The following HSD17B12 variants were observed in gnomAD, a reference collection of about 807,000 sequenced individuals.
The protein encoded by HSD17B12 is very-long-chain 3-oxoacyl-CoA reductase.
Under a neutral mutation model 39.3 loss-of-function variants are expected in HSD17B12, and 32 were observed. The ratio of observed to expected loss-of-function variants is 0.81; its 90% CI spans 0.61 to 1.09. The LOEUF (loss-of-function observed/expected upper bound fraction) is 1.09. HSD17B12 is among the 50% of genes least tolerant of loss of function. The pLI, the probability that HSD17B12 is intolerant of heterozygous loss-of-function variation, is 0.00. For synonymous variants in HSD17B12, 150 were observed against 146.7 expected (o/e 1.02, Z -0.16); for missense variants, 342 against 382.9 (o/e 0.89, Z 0.89).
intron 6 of HSD17B12, among the ~76,000 whole-genome samples, chr11:43,826,025 ATAGTATGT>A (rs1951232709): frequency 6.6e-6 from 1 of 151,966 alleles, no homozygotes. Context: ...TTAGCATACT[ATAGTATGT>A]GAAACTTATA....
rs1951500195 is a variant in HSD17B12, at chr11:43,848,464, A to G, written c.685-6251A>G. ...ATTCTCCATGGAAAATGGCATTCTTATGCGTCTTATTGGATATAAAAAGTC... is the reference window on the plus strand; with the variant it reads ...ATTCTCCATGGAAAATGGCATTCTTGTGCGTCTTATTGGATATAAAAAGTC... On this transcript the variant is annotated intron_variant, in intron 9 of 10. Transcript: ENST00000278353. 3 of 152,214 alleles carry G rather than the reference A, an allele frequency of 2.0e-5. No homozygotes were observed. The South Asian group carries it at 6.2e-4, about 31-fold the overall frequency. The allele number at this position is 152,214 out of a possible 1,614,324, so 9.4% of individuals were successfully genotyped here.
At chr11:43,799,200 A>G (rs2135046702) in intron 4 of HSD17B12, among the ~76,000 whole-genome samples, 2 of 152,208 alleles carry the variant, frequency 1.3e-5, no homozygotes, top group Middle Eastern at 6.8e-3. Flanking sequence ...TACACTGTAT[A>G]GATCCGATTA....
At chr11:43,738,635 C>T (rs1043687470) in intron 1 of HSD17B12, among the ~76,000 whole-genome samples, 7 of 152,148 alleles carry the variant, frequency 4.6e-5, no homozygotes, top group Non-Finnish European at 1.0e-4. Context: ...GGTTAGTTTT[C>T]CTTTTATAAT....
At chr11:43,616,715 C>T in the HSD17B12 span, among the ~76,000 whole-genome samples, 40 of 150,100 alleles carry the variant, frequency 2.7e-4, no homozygotes, top group Non-Finnish European at 5.2e-4. Context: ...TCCAAAAAAT[C>T]CCCACTTTTA....
In HSD17B12 at chr11:43,812,635, A is replaced by G. The variant is rs529242956; in HGVS notation, c.392-2802A>G. 3.3e-5 allele frequency among the ~76,000 whole-genome samples: 5 copies of G among 152,234 alleles called. No individual in the cohort carries two copies. In the East Asian group the frequency reaches 9.7e-4, roughly 29 times the overall value. ...TAGATATTAGTCTCTTGTCAGATGG[A>G]TAGTTTGCAAATATATTCTTCCATT... is the stretch of plus-strand genomic sequence containing the variant. On this transcript the variant is annotated intron_variant, in intron 4 of 10. Transcript: ENST00000278353.
intron 1 of HSD17B12, among the ~76,000 whole-genome samples, chr11:43,709,946 A>G (rs1044119148): frequency 3.9e-5 from 6 of 152,050 alleles, no homozygotes; most frequent in Admixed American, 3.9e-4. Context: ...TATGTGTGCA[A>G]CTCTGGGCTG....
intron 7 of HSD17B12, among the ~76,000 whole-genome samples, chr11:43,835,239 G>A (rs1400429556): frequency 6.6e-6 from 1 of 152,058 alleles, no homozygotes; most frequent in African/African-American, 2.4e-5. Flanking sequence ...ATATAACAGA[G>A]TTGTCATGAG....
At chr11:43,667,541 G>A in the HSD17B12 span, among the ~76,000 whole-genome samples, 1 of 152,078 alleles carries the variant, frequency 6.6e-6, no homozygotes, top group Admixed American at 6.6e-5. Context: ...AATGAATACG[G>A]ATCGGGTATC....
chr11:43,670,984 T>A, the HSD17B12 span, among the ~76,000 whole-genome samples: 2 of 151,938 alleles, frequency 1.3e-5, no homozygotes, highest in Non-Finnish European at 2.9e-5. Flanking sequence ...AAAAAAAGTG[T>A]GGGTAAAGAT....
At chr11:43,585,116 T>C in the HSD17B12 span, among the ~76,000 whole-genome samples, 1 of 152,230 alleles carries the variant, frequency 6.6e-6, no homozygotes, top group Non-Finnish European at 1.5e-5. Flanking sequence ...CACCAAACGT[T>C]GTTATGTCTC....
chr11:43,741,756 C>T (rs1273167140), intron 1 of HSD17B12, among the ~76,000 whole-genome samples: 6 of 124,706 alleles, frequency 4.8e-5, no homozygotes, highest in Admixed American at 9.0e-5. Context: ...TTTTTTGAGA[C>T]GGGGTCTCGC....
chr11:43,838,392 A>G lies in HSD17B12; in HGVS notation c.612A>G (p.Ala204=). ...TCCCACTCTTGACCATCTATTCTGC[A>G]ACCAAGGTAAAAAATATTTTCTTAA... ...LPVPLLTIYS[A]TKTFVDFFSQ... The change falls in exon 8 of 11, where the codon GCA becomes GCG. Residue 204 remains alanine (A), a synonymous_variant. Transcript: ENST00000278353. 6 of 1,609,296 alleles carry G rather than the reference A, an allele frequency of 3.7e-6. No individual in the cohort carries two copies. Among genetic ancestry groups the G allele is most frequent in the South Asian group, 1.1e-5 (1 of 90,948 alleles).
chr11:43,623,703 A>G, the HSD17B12 span, among the ~76,000 whole-genome samples: 3,885 of 152,160 alleles, frequency 0.026, 159 homozygotes, highest in African/African-American at 0.088. Context: ...AAAAAGAGGC[A>G]GAAACTCACA....
chr11:43,735,745 T>G (rs1320986323), intron 1 of HSD17B12, among the ~76,000 whole-genome samples: 1 of 152,212 alleles, frequency 6.6e-6, no homozygotes, highest in African/African-American at 2.4e-5. Context: ...TACCTGAGAC[T>G]CTGTCATTTA....
chr11:43,784,375 C>T (rs897297303), intron 3 of HSD17B12, among the ~76,000 whole-genome samples: 81 of 146,658 alleles, frequency 5.5e-4, no homozygotes, highest in African/African-American at 2.0e-3. Flanking sequence ...ATGGTGACAC[C>T]AGGCCATCTG....
the HSD17B12 span, among the ~76,000 whole-genome samples, chr11:43,668,553 T>C: frequency 1.3e-5 from 2 of 152,156 alleles, no homozygotes; most frequent in Non-Finnish European, 2.9e-5. Flanking sequence ...CAAACACATA[T>C]GTGTAAAGAT....
chr11:43,854,722 T>C lies in HSD17B12; in HGVS notation c.692T>C (p.Leu231Pro). The change falls in exon 10 of 11, where the codon CTG (leucine) becomes CCG (proline). Residue 231 changes from leucine to proline, a missense_variant. Transcript: ENST00000278353. ...TGGGTGTTCCCTTTCTAGAGTGTCC[T>C]GCCATACTTCGTAGCTACAAAACTG... Reference protein sequence around the residue: ...RSKGVFVQSVLPYFVATKLAK... With the variant: ...RSKGVFVQSVPPYFVATKLAK... 6.2e-7 allele frequency: 1 copy of C among 1,613,704 alleles called. No individual in the cohort carries two copies. Among genetic ancestry groups the C allele is most frequent in the South Asian group, 1.1e-5 (1 of 91,044 alleles).
In HSD17B12 at chr11:43,718,748, A is replaced by C. The variant is rs1458326398; in HGVS notation, c.161-32163A>C. 16 of 1,288,486 alleles carry C rather than the reference A, an allele frequency of 1.2e-5. No homozygotes were observed. In the East Asian group the frequency reaches 2.8e-4, roughly 22 times the overall value. 79.8% of individuals were successfully genotyped at this position (1,288,486 alleles called of 1,614,324 possible). A position where few individuals can be genotyped will look rare whatever the true frequency, so the allele number is the denominator to read the frequency against. On this transcript the variant is annotated intron_variant, in intron 1 of 10. Transcript: ENST00000278353. ...AGCCAAAGCAAAGGCTTTAAAGGCCAAGAAGGCAGTGTTGAAAGGTGTTCA... is the reference window on the plus strand; with the variant it reads ...AGCCAAAGCAAAGGCTTTAAAGGCCCAGAAGGCAGTGTTGAAAGGTGTTCA...
the HSD17B12 span, among the ~76,000 whole-genome samples, chr11:43,636,589 ATT>A: frequency 1.4e-5 from 2 of 145,570 alleles, no homozygotes; most frequent in Admixed American, 6.9e-5. Context: ...GTCCAGATCT[ATT>A]TTTTTTTTTT....
Sources: allele counts gnomAD v4.1 joint callset (sites outside exome capture counted in the v4.1 genomes callset), GRCh38; gene constraint gnomAD v4.1.1; transcripts MANE v1.5; gene names NCBI Gene and HGNC (gene_info 2026-07-23, HGNC 2026-07-21).